The following GRIA3 variants were observed in gnomAD, a reference collection of about 807,000 sequenced individuals.
GRIA3 encodes the protein glutamate receptor 3.
A neutral mutation model predicts 63.0 loss-of-function variants in GRIA3; 3 were observed. That is an observed-to-expected ratio of 0.05 (90% CI 0.02 to 0.12). The LOEUF (loss-of-function observed/expected upper bound fraction) is 0.12, where lower values mean the gene tolerates loss of function less well. Among genes scored for constraint, GRIA3 ranks in the 10% least tolerant of loss-of-function variants. The pLI, the probability that GRIA3 is intolerant of heterozygous loss-of-function variation, is 1.00. For missense variants in GRIA3, 347 were observed against 700.9 expected (o/e 0.50, Z 5.70); for synonymous variants, 274 against 257.9 (o/e 1.06, Z -0.60).
intron 3 of GRIA3, among the ~76,000 whole-genome samples, chrX:123,302,937 C>G (rs1400008922): frequency 9.0e-6 from 1 of 111,245 alleles, no homozygotes; most frequent in Non-Finnish European, 1.9e-5. Context: ...AATAGAATTT[C>G]CTTTCTATGA....
intron 2 of GRIA3, among the ~76,000 whole-genome samples, chrX:123,188,238 A>T (rs1465931572): frequency 9.0e-6 from 1 of 111,303 alleles, no homozygotes; most frequent in East Asian, 2.8e-4. Flanking sequence ...TGAAACAGTC[A>T]TCTCTGAATG....
At chrX:123,207,544 C>G (rs547674709) in intron 2 of GRIA3, among the ~76,000 whole-genome samples, 3 of 111,878 alleles carry the variant, frequency 2.7e-5, no homozygotes, top group South Asian at 3.8e-4. Context: ...GCCACGAAAT[C>G]CAGCCTACTT....
chrX:123,286,294 T>A (rs2044619014), intron 3 of GRIA3, among the ~76,000 whole-genome samples: 1 of 111,948 alleles, frequency 8.9e-6, no homozygotes, highest in Non-Finnish European at 1.9e-5. Context: ...TTTACAGCAC[T>A]AAATGCCCAC....
chrX:123,327,325 G>C (rs2147333764), intron 4 of GRIA3, among the ~76,000 whole-genome samples: 1 of 111,755 alleles, frequency 8.9e-6, no homozygotes, highest in South Asian at 3.8e-4. Flanking sequence ...GTAGAGTCAA[G>C]CTGAAATGTG....
chrX:123,366,822 G>C (rs1204324308), intron 5 of GRIA3, among the ~76,000 whole-genome samples: 1 of 111,526 alleles, frequency 9.0e-6, no homozygotes, highest in Non-Finnish European at 1.9e-5. Context: ...TTAGAGATAT[G>C]AGAAGGTTTA....
At chrX:123,291,785 G>T (rs963249363) in intron 3 of GRIA3, among the ~76,000 whole-genome samples, 1 of 110,282 alleles carries the variant, frequency 9.1e-6, no homozygotes, top group African/African-American at 3.3e-5. Context: ...AAAGTATCTA[G>T]CTGGGCACAT....
At chrX:123,473,380 T>C (rs1160858644) in intron 13 of GRIA3, among the ~76,000 whole-genome samples, 1 of 112,046 alleles carries the variant, frequency 8.9e-6, no homozygotes, top group African/African-American at 3.2e-5. Flanking sequence ...CATAGTAAAT[T>C]CTTTAATACA....
chrX:123,252,372 A>G (rs1004233646), intron 2 of GRIA3, among the ~76,000 whole-genome samples: 4 of 112,556 alleles, frequency 3.6e-5, no homozygotes, highest in African/African-American at 1.3e-4. Context: ...TCTGCTTCGC[A>G]TGAATGGAAG....
At chrX:123,408,528 CAT>C (rs775942504) in intron 10 of GRIA3, among the ~76,000 whole-genome samples, 1 of 112,433 alleles carries the variant, frequency 8.9e-6, no homozygotes, top group East Asian at 2.8e-4. Flanking sequence ...TTAATCTCCA[CAT>C]ATCTCTTCCT....
At chrX:123,280,256 T>A (rs1043775924) in intron 3 of GRIA3, among the ~76,000 whole-genome samples, 2 of 112,082 alleles carry the variant, frequency 1.8e-5, no homozygotes, top group East Asian at 5.6e-4. Flanking sequence ...GTTTTAGACA[T>A]GGAAACCAAA....
At chrX:123,413,829 T>G (rs1569432801) in intron 10 of GRIA3, among the ~76,000 whole-genome samples, 1 of 111,176 alleles carries the variant, frequency 9.0e-6, no homozygotes, top group South Asian at 3.8e-4. Flanking sequence ...AGACAAGCAC[T>G]CTGAATAGTC....
intron 3 of GRIA3, among the ~76,000 whole-genome samples, chrX:123,270,830 A>C (rs983296817): frequency 8.9e-6 from 1 of 112,831 alleles, no homozygotes; most frequent in African/African-American, 3.2e-5. Context: ...TAAATGATTA[A>C]AATTGTATAA....
At position 123,402,401 on chromosome X, in the gene GRIA3, A is replaced by G. The variant is rs939061370; in HGVS notation, c.1081-593A>G. ...TACGTTTATATGTGTGTGTGTATATATATATATATATATATCTTCTCTAAT... is the reference window on the plus strand; with the variant it reads ...TACGTTTATATGTGTGTGTGTATATGTATATATATATATATCTTCTCTAAT... On this transcript the variant is annotated intron_variant, in intron 7 of 15. Transcript: ENST00000620443. 1.3e-3 allele frequency among the ~76,000 whole-genome samples: 138 copies of G among 108,639 alleles called. 2 individuals carry two copies. Among genetic ancestry groups the G allele is most frequent in the Non-Finnish European group, 6.1e-4 (32 of 52,150 alleles). The allele number at this position is 108,639 out of a possible 115,157, so 94.3% of individuals were successfully genotyped here.
chrX:123,483,188 G>A, intron 15 of GRIA3, 142 bp downstream of exon 15: 2 of 528,615 alleles, frequency 3.8e-6, no homozygotes, highest in Non-Finnish European at 3.1e-6. Context: ...GAAAACAATG[G>A]TTGTGCTTTC....
chrX:123,244,682 T>C (rs1215315560), intron 2 of GRIA3, among the ~76,000 whole-genome samples: 1 of 112,410 alleles, frequency 8.9e-6, no homozygotes, highest in Non-Finnish European at 1.9e-5. Context: ...CTGAGGCATT[T>C]TGGGTTGTCA....
chrX:123,295,501 C>A (rs1389771046), intron 3 of GRIA3, among the ~76,000 whole-genome samples: 1 of 111,151 alleles, frequency 9.0e-6, no homozygotes, highest in Non-Finnish European at 1.9e-5. Context: ...CCTATCATAA[C>A]AAATGGCATG....
intron 1 of GRIA3, 21 bp downstream of exon 1, chrX:123,184,665 C>T (rs370343892): frequency 9.2e-7 from 1 of 1,085,179 alleles, no homozygotes; most frequent in African/African-American, 1.8e-5. Flanking sequence ...GCGAGCCAGC[C>T]GTCGGTCCAG....
chrX:123,425,205 G>A (rs1011113639), intron 11 of GRIA3, among the ~76,000 whole-genome samples: 9 of 111,643 alleles, frequency 8.1e-5, no homozygotes, highest in Admixed American at 3.8e-4. Flanking sequence ...TACAAAATAC[G>A]GGTATTTTAT....
intron 12 of GRIA3, among the ~76,000 whole-genome samples, chrX:123,429,943 C>G (rs2045609011): frequency 8.9e-6 from 1 of 111,904 alleles, no homozygotes; most frequent in Non-Finnish European, 1.9e-5. Flanking sequence ...ATATTGCAGG[C>G]AAAAGGAGGC....
Sources: gnomAD v4.1 joint callset for allele counts (sites outside exome capture counted in the v4.1 genomes callset) on GRCh38, gnomAD v4.1.1 for gene constraint, MANE v1.5 for transcripts, NCBI Gene and HGNC (gene_info 2026-07-23, HGNC 2026-07-21) for gene names.